The following MKRN2 variants were observed in gnomAD, a reference collection of about 807,000 sequenced individuals.
The protein encoded by MKRN2 is makorin ring finger protein 2, also known as E3 ubiquitin-protein ligase makorin-2.
A neutral mutation model predicts 45.4 loss-of-function variants in MKRN2; 32 were observed. The observed-to-expected ratio is 0.70, with a 90% CI of 0.53 to 0.95. The LOEUF (loss-of-function observed/expected upper bound fraction) is 0.95. Ranked by LOEUF, MKRN2 falls within the 40% of genes least tolerant of loss-of-function variation. The pLI is 0.00. For missense variants in MKRN2, 526 were observed against 536.7 expected, an observed-to-expected ratio of 0.98 and a Z score of 0.20; for synonymous variants, 206 against 192.4, an observed-to-expected ratio of 1.07 and a Z score of -0.59.
At chr3:12,570,324 G>A (rs924511429) in intron 3 of MKRN2, 72 bp downstream of exon 3, 1 of 1,467,690 alleles carries the variant, frequency 6.8e-7, no homozygotes, top group African/African-American at 1.4e-5. Context: ...CTCCTTTCTA[G>A]CCTCCTCTTG....
chr3:12,582,423 A>G lies in MKRN2; in HGVS notation c.*170A>G. ...CTCCATTATTACAGCCATGGGGAAGAGTGAAAGATATAAAGTAACCTAATT... is the reference window on the plus strand; with the variant it reads ...CTCCATTATTACAGCCATGGGGAAGGGTGAAAGATATAAAGTAACCTAATT... On this transcript the variant is annotated 3_prime_UTR_variant, in exon 8 of 8. Coordinates refer to ENST00000170447, the MANE Select transcript of MKRN2 (RefSeq NM_014160.5). The G allele has an allele frequency of 1.3e-6, 1 of 788,918 alleles. No homozygotes were observed. Among genetic ancestry groups the G allele is most frequent in the Non-Finnish European group, 2.0e-6 (1 of 500,102 alleles). 48.9% of individuals were successfully genotyped at this position (788,918 alleles called of 1,614,324 possible). A position where few individuals can be genotyped will look rare whatever the true frequency, so the allele number is the denominator to read the frequency against.
At chr3:12,570,028 T>G (rs745457935) in intron 2 of MKRN2, 43 bp from the exon 3 acceptor site, 1 of 1,530,654 alleles carries the variant, frequency 6.5e-7, no homozygotes, top group Non-Finnish European at 8.8e-7. Context: ...GAGATGTGTG[T>G]GGGTGGCATG....
chr3:12,559,889 A>G (rs2058022311), intron 1 of MKRN2, among the ~76,000 whole-genome samples: 1 of 152,196 alleles, frequency 6.6e-6, no homozygotes, highest in African/African-American at 2.4e-5. Flanking sequence ...AATCACTATT[A>G]GAAGACACAG....
rs139549520 is a variant in MKRN2 at position 12,570,089 on chromosome 3, C to T, written c.174C>T (p.Pro58=). ...GTRCRYDHTR[P]SAAAGGAVGT... Reference sequence around the variant, plus strand: ...TGTTTAGATATGACCACACGAGGCCCTCTGCTGCAGCTGGAGGTGCTGTGG... The same window carrying T: ...TGTTTAGATATGACCACACGAGGCCTTCTGCTGCAGCTGGAGGTGCTGTGG... Residue 58 remains proline (P), a synonymous_variant, in exon 3 of 8, where the codon CCC becomes CCT. Transcript: ENST00000170447. 1.9e-3 allele frequency: 3,137 copies of T among 1,612,174 alleles called. 2 individuals carry two copies. Among genetic ancestry groups the T allele is most frequent in the Non-Finnish European group, 2.4e-3 (2,869 of 1,179,430 alleles).
chr3:12,573,530 G>A (rs1268697407), intron 4 of MKRN2, among the ~76,000 whole-genome samples: 15 of 151,746 alleles, frequency 9.9e-5, no homozygotes, highest in East Asian at 1.9e-4. Flanking sequence ...GTGAGACCCT[G>A]TCTCAAGAAA....
chr3:12,578,312 C>CTTTTTTTTTTTT (rs71063833), intron 6 of MKRN2, among the ~76,000 whole-genome samples: 1 of 71,714 alleles, frequency 1.4e-5, no homozygotes, highest in Non-Finnish European at 2.5e-5. Flanking sequence ...AGAGCTACTT[C>CTTTTTTTTTTTT]TTTTTTTTTT....
rs1373013404 is a variant in MKRN2 at position 12,583,410 on chromosome 3, T to TTAA, written c.*1159_*1161dup. The TTAA allele has an allele frequency of 5.5e-6, 1 of 180,810 alleles. No homozygotes were observed. The highest frequency in any genetic ancestry group is 2.3e-5 in the African/African-American group (1 of 42,554). The allele number at this position is 180,810 out of a possible 1,614,324, so 11.2% of individuals were successfully genotyped here. On this transcript the variant is annotated 3_prime_UTR_variant, in exon 8 of 8. Transcript: ENST00000170447. ...TAGCTGAGTTTAGAGTACTTTCTGC[T>TTAA]TAATTAATTTTTATACTTAACTCTT...
rs1376938164 is a variant in MKRN2 at position 12,572,291 on chromosome 3, A to G, written c.560A>G (p.Tyr187Cys). 9.3e-6 allele frequency: 15 copies of G among 1,613,664 alleles called. No individual in the cohort carries two copies. The highest frequency in any genetic ancestry group is 1.7e-4 in the Middle Eastern group (1 of 6,060). ...GECRFGDACV[Y>C]LHGEVCEICR... ...TGCCGGTTTGGGGATGCCTGTGTCTACCTGCACGGGGAGGTGTGTGAAATC... is the reference window on the plus strand; with the variant it reads ...TGCCGGTTTGGGGATGCCTGTGTCTGCCTGCACGGGGAGGTGTGTGAAATC... Residue 187 changes from tyrosine to cysteine, a missense_variant, in exon 4 of 8, where the codon TAC (tyrosine) becomes TGC (cysteine). Transcript: ENST00000170447.
chr3:12,561,397 G>T lies in MKRN2; in HGVS notation c.26+4221G>T, dbSNP rs185524465. On this transcript the variant is annotated intron_variant, in intron 1 of 7. Transcript: ENST00000170447. Reference sequence around the variant, plus strand: ...CCTAAAAAAGTCTTTCTTCTTGTCTGCCTTGTTAACAAATAGTATCTGGTA... The same window carrying T: ...CCTAAAAAAGTCTTTCTTCTTGTCTTCCTTGTTAACAAATAGTATCTGGTA... Among the ~76,000 whole-genome samples, 5 of 152,318 alleles carry T rather than the reference G, an allele frequency of 3.3e-5. No individual in the cohort carries two copies. In the East Asian group the frequency reaches 9.6e-4, roughly 29 times the overall value.
chr3:12,564,498 T>C (rs190326600), intron 1 of MKRN2, among the ~76,000 whole-genome samples: 258 of 152,342 alleles, frequency 1.7e-3, no homozygotes, highest in Non-Finnish European at 3.0e-3. Context: ...CTTTTGTATC[T>C]GGTTTGTTGA....
rs963873995 is a variant in MKRN2 at position 12,576,037 on chromosome 3, C to T, written c.858-594C>T. Among the ~76,000 whole-genome samples the T allele has an allele frequency of 2.4e-4, 36 of 152,164 alleles. 1 individual carries two copies. The highest frequency in any genetic ancestry group is 1.6e-3 in the Admixed American group (24 of 15,280). On this transcript the variant is annotated intron_variant, in intron 5 of 7. Transcript: ENST00000170447. ...CATTTCTCTTGGGTATACACCTGGG[C>T]GTGGGATTGCTAGGTTTTATGGTAT... is the stretch of plus-strand genomic sequence containing the variant.
chr3:12,576,937 T>C (rs922003256), intron 6 of MKRN2, 196 bp downstream of exon 6: 1 of 215,430 alleles, frequency 4.6e-6, no homozygotes, highest in Admixed American at 6.6e-5. Context: ...TTTGGTGTTT[T>C]TTTTTTTTTT....
At chr3:12,570,322 T>C in intron 3 of MKRN2, 70 bp downstream of exon 3, 1 of 1,470,920 alleles carries the variant, frequency 6.8e-7, no homozygotes, top group Non-Finnish European at 9.3e-7. Flanking sequence ...TGCTCCTTTC[T>C]AGCCTCCTCT....
rs747894880 is a variant in MKRN2 at position 12,581,789 on chromosome 3, TTTTC to T, written c.969-13_969-10del. 9 of 1,613,120 alleles carry T rather than the reference TTTTC, an allele frequency of 5.6e-6. No homozygotes were observed. Among genetic ancestry groups the T allele is most frequent in the Admixed American group, 1.7e-5 (1 of 59,920 alleles). ...TCATTTTCCCACCAGCCTCTTGACT[TTTTC>T]TTTCTGCTTTTCAGGAAAAAAGCCT... On this transcript the variant is annotated splice_polypyrimidine_tract_variant and intron_variant, in intron 6 of 7. Transcript: ENST00000170447.
At chr3:12,569,233 T>C (rs1986068) in intron 2 of MKRN2, among the ~76,000 whole-genome samples, 89,111 of 151,450 alleles carry the variant, frequency 0.59, 28,952 homozygotes, top group African/African-American at 0.86. Context: ...GCGATCTCAG[T>C]TCTCTGCAAC....
chr3:12,557,913 C>T (rs2057995333), intron 1 of MKRN2, among the ~76,000 whole-genome samples: 1 of 152,196 alleles, frequency 6.6e-6, no homozygotes, highest in South Asian at 2.1e-4. Flanking sequence ...AGCCAGATAG[C>T]TACACTACGA....
intron 5 of MKRN2, among the ~76,000 whole-genome samples, chr3:12,575,776 T>C (rs1397860172): frequency 6.6e-6 from 1 of 152,206 alleles, no homozygotes; most frequent in Non-Finnish European, 1.5e-5. Flanking sequence ...ATCATAGAAT[T>C]TGGGGCCTTT....
chr3:12,576,890 C>A, intron 6 of MKRN2, 149 bp downstream of exon 6: 1 of 389,876 alleles, frequency 2.6e-6, no homozygotes, highest in South Asian at 3.2e-5. Context: ...TGGGATGCAG[C>A]AATGAGCAAG....
intron 1 of MKRN2, among the ~76,000 whole-genome samples, chr3:12,561,773 CT>C (rs35525744): frequency 0.1 from 15,021 of 150,466 alleles, 1,066 homozygotes; most frequent in African/African-American, 0.18. Context: ...TTGGCACTGA[CT>C]TTTTTTTTTA....
Sources: gnomAD v4.1 joint callset for allele counts (sites outside exome capture counted in the v4.1 genomes callset) on GRCh38, gnomAD v4.1.1 for gene constraint, MANE v1.5 for transcripts, NCBI Gene and HGNC (gene_info 2026-07-23, HGNC 2026-07-21) for gene names.